Variants in MARCHF1 observed in about 807,000 individuals in gnomAD.
MARCHF1 encodes the protein membrane associated ring-CH-type finger 1, also known as E3 ubiquitin-protein ligase MARCHF1.
In MARCHF1, 40 loss-of-function variants were observed where a neutral mutation model predicts 54.2. The ratio of observed to expected loss-of-function variants is 0.74; its 90% CI spans 0.57 to 0.96. The LOEUF is 0.96. Ranked by LOEUF, MARCHF1 falls within the 40% of genes least tolerant of loss-of-function variation. The pLI is 0.00. For synonymous variants in MARCHF1, 236 were observed against 236.3 expected, an observed-to-expected ratio of 1.00 and a Z score of 0.01; for missense variants, 586 against 656.5, an observed-to-expected ratio of 0.89 and a Z score of 1.17.
rs573951771 is a variant in MARCHF1 at position 164,181,377 on chromosome 4, G to A, written c.-322-69715C>T. On this transcript the variant is annotated intron_variant, in intron 1 of 9. Coordinates refer to ENST00000514618, the MANE Select transcript of MARCHF1 (RefSeq NM_001394959.1). ...CATATATATGTATACACACACAAGC[G>A]CATTATATTTGTACACTATGTATGT... Among the ~76,000 whole-genome samples, 11 of 152,068 alleles carry A rather than the reference G, an allele frequency of 7.2e-5. 1 individual carries two copies. Among genetic ancestry groups the A allele is most frequent in the Middle Eastern group, 6.8e-3 (2 of 294 alleles).
intron 2 of MARCHF1, among the ~76,000 whole-genome samples, chr4:164,054,221 T>C (rs1754433447): frequency 1.3e-5 from 2 of 151,728 alleles, no homozygotes; most frequent in South Asian, 4.2e-4. Flanking sequence ...AAAACCACAG[T>C]GAGATACCAT....
intron 1 of MARCHF1, among the ~76,000 whole-genome samples, chr4:164,226,142 G>A (rs751603424): frequency 1.3e-5 from 2 of 151,744 alleles, no homozygotes; most frequent in African/African-American, 4.8e-5. Flanking sequence ...CCAAAAAGTT[G>A]ATGAAAATTA....
At chr4:164,062,190 A>G (rs142711260) in intron 2 of MARCHF1, among the ~76,000 whole-genome samples, 9 of 152,272 alleles carry the variant, frequency 5.9e-5, no homozygotes, top group African/African-American at 1.9e-4. Context: ...CTTCTCATTC[A>G]TTTAAATTTT....
Position 163,866,330 on chromosome 4 carries a change from G to T in MARCHF1, c.-38-12161C>A, listed in dbSNP as rs1278132865. On this transcript the variant is annotated intron_variant, in intron 3 of 9. Transcript: ENST00000514618. ...ACTGTATTATATACCAAGAGTCAAA[G>T]AATTCTTTTTTAGGTAAAACAGTAA... is the stretch of plus-strand genomic sequence containing the variant. 2.0e-5 allele frequency among the ~76,000 whole-genome samples: 3 copies of T among 150,434 alleles called. No individual in the cohort carries two copies. In the East Asian group the frequency reaches 5.8e-4, roughly 29 times the overall value.
At chr4:163,862,473 C>T (rs1749960057) in intron 3 of MARCHF1, among the ~76,000 whole-genome samples, 1 of 151,984 alleles carries the variant, frequency 6.6e-6, no homozygotes, top group Admixed American at 6.6e-5. Flanking sequence ...CATTATATGT[C>T]ATTAAGGAAT....
intron 4 of MARCHF1, among the ~76,000 whole-genome samples, chr4:163,779,386 C>T (rs1747399413): frequency 6.6e-6 from 1 of 152,122 alleles, no homozygotes; most frequent in African/African-American, 2.4e-5. Context: ...TCTTTTTTTA[C>T]TTAGCAGCAA....
chr4:164,197,939 G>A (rs1248151649), intron 1 of MARCHF1, among the ~76,000 whole-genome samples: 2 of 152,108 alleles, frequency 1.3e-5, no homozygotes, highest in Admixed American at 1.3e-4. Flanking sequence ...AGGTGTGTGT[G>A]ACTAAAGAAA....
At chr4:163,590,608 A>G (rs1314914164) in intron 7 of MARCHF1, among the ~76,000 whole-genome samples, 1 of 152,084 alleles carries the variant, frequency 6.6e-6, no homozygotes, top group African/African-American at 2.4e-5. Flanking sequence ...CCTTCTTTTC[A>G]TATGAGCTTG....
chr4:164,279,252 C>G (rs1485177356), intron 1 of MARCHF1, among the ~76,000 whole-genome samples: 2 of 150,580 alleles, frequency 1.3e-5, no homozygotes, highest in Non-Finnish European at 3.0e-5. Flanking sequence ...AGAAAGGAAA[C>G]AAAATAAACA....
At chr4:163,689,691 T>G (rs763136562) in intron 5 of MARCHF1, among the ~76,000 whole-genome samples, 2 of 152,062 alleles carry the variant, frequency 1.3e-5, no homozygotes, top group Non-Finnish European at 2.9e-5. Context: ...AAGTAAATCC[T>G]TTTTCATCTT....
intron 2 of MARCHF1, among the ~76,000 whole-genome samples, chr4:164,002,875 T>C (rs551860450): frequency 5.3e-5 from 8 of 151,886 alleles, no homozygotes; most frequent in Non-Finnish European, 1.2e-4. Flanking sequence ...AACTTATCTT[T>C]AGTACATCTG....
intron 1 of MARCHF1, among the ~76,000 whole-genome samples, chr4:164,322,289 C>T (rs1735162146): frequency 2.0e-5 from 3 of 152,042 alleles, no homozygotes; most frequent in Admixed American, 2.0e-4. Flanking sequence ...AACTCAGCTA[C>T]AGGCTATTTA....
chr4:163,711,849 A>G (rs990720258), intron 4 of MARCHF1, among the ~76,000 whole-genome samples: 2 of 152,126 alleles, frequency 1.3e-5, no homozygotes, highest in African/African-American at 2.4e-5. Flanking sequence ...AAATTATCCA[A>G]TTTGGAAATG....
At chr4:164,126,000 A>G (rs1250280936) in intron 1 of MARCHF1, among the ~76,000 whole-genome samples, 2 of 152,186 alleles carry the variant, frequency 1.3e-5, no homozygotes, top group Admixed American at 6.5e-5. Flanking sequence ...TTATACACCT[A>G]TGTTCCCTGA....
chr4:163,849,730 A>G (rs1157546703), intron 4 of MARCHF1, among the ~76,000 whole-genome samples: 1 of 152,138 alleles, frequency 6.6e-6, no homozygotes, highest in Non-Finnish European at 1.5e-5. Flanking sequence ...CAAAAGCCAT[A>G]TTTATAATAT....
chr4:163,849,946 T>C (rs568166487), intron 4 of MARCHF1, among the ~76,000 whole-genome samples: 8 of 152,206 alleles, frequency 5.3e-5, no homozygotes, highest in Non-Finnish European at 1.2e-4. Flanking sequence ...TTCTATATTC[T>C]ACCTCAAGAT....
chr4:163,626,273 C>T (rs1741868530), intron 5 of MARCHF1, among the ~76,000 whole-genome samples: 1 of 152,168 alleles, frequency 6.6e-6, no homozygotes, highest in African/African-American at 2.4e-5. Context: ...GGCATCTAGG[C>T]CATGATTGTG....
At chr4:164,020,358 G>A (rs74488808) in intron 2 of MARCHF1, among the ~76,000 whole-genome samples, 2 of 152,076 alleles carry the variant, frequency 1.3e-5, no homozygotes, top group African/African-American at 4.8e-5. Flanking sequence ...TGTTAACCAA[G>A]GATTCTGGAT....
chr4:164,243,407 C>A (rs548360497), intron 1 of MARCHF1, among the ~76,000 whole-genome samples: 1,830 of 151,264 alleles, frequency 0.012, 35 homozygotes, highest in African/African-American at 0.041. Flanking sequence ...GAAATAAAAT[C>A]CTTTACAGAC....
Sources: gnomAD v4.1 joint callset for allele counts (sites outside exome capture counted in the v4.1 genomes callset) on GRCh38, gnomAD v4.1.1 for gene constraint, MANE v1.5 for transcripts, NCBI Gene and HGNC (gene_info 2026-07-23, HGNC 2026-07-21) for gene names.